The following OR2L13 variants were observed in gnomAD, a reference collection of about 807,000 sequenced individuals.
The protein encoded by OR2L13 is olfactory receptor family 2 subfamily L member 13, also known as olfactory receptor 2L13.
In OR2L13, 14 loss-of-function variants were observed where a neutral mutation model predicts 15.3. The observed-to-expected ratio is 0.91, with a 90% CI of 0.60 to 1.43. OR2L13 has a LOEUF of 1.43. Ranked by LOEUF, OR2L13 falls within the 40% of genes most tolerant of loss-of-function variation. The probability of loss-of-function intolerance (pLI) is 0.00; values close to 1 mark genes in which losing one functional copy is unlikely to be tolerated. For missense variants in OR2L13, 367 were observed against 387.9 expected, an observed-to-expected ratio of 0.95 and a Z score of 0.45; for synonymous variants, 152 against 142.9, an observed-to-expected ratio of 1.06 and a Z score of -0.45.
At chr1:247,957,469 AG>A in the OR2L13 span, among the ~76,000 whole-genome samples, 68 of 152,230 alleles carry the variant, frequency 4.5e-4, no homozygotes, top group Middle Eastern at 6.8e-3. Flanking sequence ...AAATGAGTTA[AG>A]GAGGATTCCC....
the OR2L13 span, among the ~76,000 whole-genome samples, chr1:248,053,698 C>A: frequency 6.6e-6 from 1 of 152,156 alleles, no homozygotes; most frequent in Non-Finnish European, 1.5e-5. Flanking sequence ...TTGCATTTCT[C>A]CAATGATCAG....
chr1:248,029,359 C>T, the OR2L13 span: 1 of 152,026 alleles, frequency 6.6e-6, no homozygotes, highest in African/African-American at 2.4e-5. Flanking sequence ...AGAAATATTA[C>T]TTTTCTCAGG....
chr1:247,972,880 A>C, the OR2L13 span, among the ~76,000 whole-genome samples: 1 of 152,200 alleles, frequency 6.6e-6, no homozygotes, highest in Non-Finnish European at 1.5e-5. Flanking sequence ...ATCCTCAATA[A>C]AATACTGGAA....
At chr1:247,946,179 G>C in the OR2L13 span, among the ~76,000 whole-genome samples, 1 of 152,036 alleles carries the variant, frequency 6.6e-6, no homozygotes, top group African/African-American at 2.4e-5. Flanking sequence ...AGTACAGCAG[G>C]TTTTGGCTGT....
the OR2L13 span, chr1:248,022,085 T>G: frequency 6.2e-7 from 1 of 1,613,952 alleles, no homozygotes; most frequent in Non-Finnish European, 8.5e-7. Flanking sequence ...CCATGATTCT[T>G]CTCATCTTCT....
chr1:248,038,076 T>G, the OR2L13 span: 3 of 489,948 alleles, frequency 6.1e-6, no homozygotes, highest in African/African-American at 5.8e-5. Context: ...AATCTCTTCC[T>G]TGCCTAATTT....
the OR2L13 span, among the ~76,000 whole-genome samples, chr1:248,054,578 G>A: frequency 6.6e-6 from 1 of 152,126 alleles, no homozygotes; most frequent in East Asian, 1.9e-4. Context: ...CATGAGTATG[G>A]AATGTTTTTC....
the OR2L13 span, among the ~76,000 whole-genome samples, chr1:248,064,309 T>C: frequency 3.9e-5 from 6 of 152,146 alleles, no homozygotes; most frequent in African/African-American, 1.4e-4. Flanking sequence ...TTCTACCATG[T>C]GAGGTTACAA....
the OR2L13 span, among the ~76,000 whole-genome samples, chr1:248,014,237 C>G: frequency 1.3e-5 from 2 of 151,928 alleles, no homozygotes; most frequent in Non-Finnish European, 2.9e-5. Flanking sequence ...TATGTAGAAA[C>G]AACTAGTGTT....
chr1:248,048,593 CA>C, the OR2L13 span, among the ~76,000 whole-genome samples: 1 of 152,076 alleles, frequency 6.6e-6, no homozygotes, highest in Non-Finnish European at 1.5e-5. Flanking sequence ...CAGGTACAGA[CA>C]GCTTGTTTTA....
chr1:247,988,901 T>C, the OR2L13 span, among the ~76,000 whole-genome samples: 1 of 152,196 alleles, frequency 6.6e-6, no homozygotes, highest in Non-Finnish European at 1.5e-5. Context: ...TTATGGATCC[T>C]CCTAAATAAT....
chr1:248,034,597 G>A, the OR2L13 span, among the ~76,000 whole-genome samples: 3,165 of 152,194 alleles, frequency 0.021, 118 homozygotes, highest in African/African-American at 0.072. Context: ...AAGCCTTCCA[G>A]TCTATAAATA....
At chr1:248,017,485 CAA>C in the OR2L13 span, among the ~76,000 whole-genome samples, 5 of 152,194 alleles carry the variant, frequency 3.3e-5, no homozygotes, top group Admixed American at 2.6e-4. Context: ...TCACCACTTG[CAA>C]AGTCATGTTA....
chr1:248,047,662 A>G, the OR2L13 span, among the ~76,000 whole-genome samples: 1 of 152,184 alleles, frequency 6.6e-6, no homozygotes, highest in African/African-American at 2.4e-5. Context: ...TTCCAGTGAA[A>G]TTATAGAAAT....
the OR2L13 span, among the ~76,000 whole-genome samples, chr1:247,976,741 C>T: frequency 6.6e-6 from 1 of 152,146 alleles, no homozygotes. Context: ...ATGTGATTCT[C>T]TCCACTGGCT....
the OR2L13 span, among the ~76,000 whole-genome samples, chr1:248,068,984 A>G: frequency 1.3e-5 from 2 of 152,210 alleles, no homozygotes; most frequent in African/African-American, 4.8e-5. Context: ...TGAAAAGACC[A>G]AATCTACATC....
the OR2L13 span, among the ~76,000 whole-genome samples, chr1:247,955,706 T>G: frequency 2.2e-5 from 1 of 46,004 alleles, no homozygotes; most frequent in African/African-American, 3.0e-5. Flanking sequence ...CCAGTGATGA[T>G]GAGCATTTTT....
the OR2L13 span, chr1:248,003,538 C>A: frequency 6.2e-7 from 1 of 1,612,468 alleles, no homozygotes; most frequent in Non-Finnish European, 8.5e-7. Flanking sequence ...TCCGCATGAG[C>A]AAAAGAGTGT....
the OR2L13 span, among the ~76,000 whole-genome samples, chr1:247,976,329 C>A: frequency 6.6e-6 from 1 of 152,172 alleles, no homozygotes; most frequent in Non-Finnish European, 1.5e-5. Context: ...AATTTTATTT[C>A]TACTTATTTT....
Sources: allele counts gnomAD v4.1 joint callset (sites outside exome capture counted in the v4.1 genomes callset), GRCh38; gene constraint gnomAD v4.1.1; transcripts MANE v1.5; gene names NCBI Gene and HGNC (gene_info 2026-07-23, HGNC 2026-07-21).